The following CLASP2 variants were observed in gnomAD, a reference collection of about 807,000 sequenced individuals.
CLASP2 encodes the protein CLIP-associating protein 2.
A neutral mutation model predicts 194.4 loss-of-function variants in CLASP2; 47 were observed. That is an observed-to-expected ratio of 0.24 (90% CI 0.19 to 0.31). The LOEUF (loss-of-function observed/expected upper bound fraction) is 0.31, where lower values mean the gene tolerates loss of function less well. Ranked by LOEUF, CLASP2 falls within the 10% of genes least tolerant of loss-of-function variation. CLASP2 has a pLI of 1.00. For synonymous variants in CLASP2, 619 were observed against 633.5 expected, an observed-to-expected ratio of 0.98 and a Z score of 0.34; for missense variants, 1,445 against 1,823.6, an observed-to-expected ratio of 0.79 and a Z score of 3.78.
At chr3:33,532,891 C>T (rs904222006) in intron 34 of CLASP2, among the ~76,000 whole-genome samples, 2 of 152,080 alleles carry the variant, frequency 1.3e-5, no homozygotes, top group South Asian at 4.1e-4. Flanking sequence ...TGTTGTTATG[C>T]AGGAGAATGT....
intron 27 of CLASP2, among the ~76,000 whole-genome samples, chr3:33,562,243 T>C (rs1421464942): frequency 2.0e-5 from 3 of 152,200 alleles, no homozygotes; most frequent in Non-Finnish European, 4.4e-5. Context: ...CTACTCACAG[T>C]GTGGATTCCT....
At chr3:33,550,368 C>A (rs539360292) in intron 30 of CLASP2, among the ~76,000 whole-genome samples, 42 of 129,552 alleles carry the variant, frequency 3.2e-4, no homozygotes, top group African/African-American at 1.3e-3. Flanking sequence ...GTGCTCCAGC[C>A]TGGGTGAAAA....
intron 30 of CLASP2, among the ~76,000 whole-genome samples, chr3:33,547,056 T>C (rs9876692): frequency 6.6e-6 from 1 of 152,204 alleles, no homozygotes; most frequent in East Asian, 1.9e-4. Context: ...GTCTACTACA[T>C]TAATAGATTT....
chr3:33,610,924 CAG>C (rs1363780489), intron 13 of CLASP2, among the ~76,000 whole-genome samples: 2 of 152,174 alleles, frequency 1.3e-5, no homozygotes, highest in Admixed American at 6.5e-5. Context: ...TTTAAAAAGG[CAG>C]AGTTCTTTAC....
intron 24 of CLASP2, chr3:33,574,617 A>T: frequency 3.6e-6 from 2 of 562,630 alleles, no homozygotes; most frequent in South Asian, 5.3e-5. Context: ...TTTTTCACAC[A>T]TAGGTACAAA....
chr3:33,595,245 G>A (rs1045004491), intron 19 of CLASP2, among the ~76,000 whole-genome samples: 9 of 151,972 alleles, frequency 5.9e-5, no homozygotes, highest in Non-Finnish European at 1.3e-4. Flanking sequence ...CTTAAAATTT[G>A]AAATGGTATA....
chr3:33,601,159 A>G (rs1399440121), intron 18 of CLASP2, among the ~76,000 whole-genome samples: 5 of 151,816 alleles, frequency 3.3e-5, no homozygotes, highest in African/African-American at 1.2e-4. Flanking sequence ...ACGGTGTTTC[A>G]CCGTGTTAGC....
chr3:33,670,249 T>C (rs1009568429), intron 6 of CLASP2, among the ~76,000 whole-genome samples: 8 of 152,164 alleles, frequency 5.3e-5, no homozygotes, highest in African/African-American at 1.9e-4. Context: ...GGATTGTGGT[T>C]ACTTTTAGGA....
Position 33,604,229 on chromosome 3 carries a change from CT to C in CLASP2, c.1695-21del. 6.5e-7 allele frequency: 1 copy of C among 1,534,120 alleles called. No individual in the cohort carries two copies. Among genetic ancestry groups the C allele is most frequent in the Non-Finnish European group, 8.8e-7 (1 of 1,132,382 alleles). ...GGGCGACTGCAAAGTATAAAAAATG[CT>C]TTTAGTAAGAAGACAATTTAACACT... On this transcript the variant is annotated intron_variant, in intron 16 of 38. Coordinates refer to ENST00000682230, the MANE Select transcript of CLASP2 (RefSeq NM_001365631.1).
intron 34 of CLASP2, among the ~76,000 whole-genome samples, chr3:33,523,217 T>TATC (rs1399068033): frequency 1.3e-5 from 2 of 151,850 alleles, no homozygotes; most frequent in Non-Finnish European, 2.9e-5. Flanking sequence ...ATTGTGGGAG[T>TATC]ATCAGAAGAG....
intron 23 of CLASP2, among the ~76,000 whole-genome samples, chr3:33,579,045 AG>A: frequency 6.6e-6 from 1 of 152,340 alleles, no homozygotes; most frequent in Admixed American, 6.5e-5. Context: ...GGGAATAGCA[AG>A]AACAACTTAA....
intron 7 of CLASP2, among the ~76,000 whole-genome samples, chr3:33,661,613 G>A (rs1338194943): frequency 6.6e-6 from 1 of 152,168 alleles, no homozygotes; most frequent in Non-Finnish European, 1.5e-5. Context: ...ACAGATCTGA[G>A]AGGCAAGAAA....
intron 1 of CLASP2, among the ~76,000 whole-genome samples, chr3:33,717,475 G>A (rs891265215): frequency 2.6e-5 from 4 of 151,950 alleles, no homozygotes; most frequent in Admixed American, 1.3e-4. Flanking sequence ...CGCCCAGGCT[G>A]GAGTGCAGTG....
In CLASP2 at chr3:33,636,175, C is replaced by T. The variant is rs111683160; in HGVS notation, c.863-3804G>A. Among the ~76,000 whole-genome samples the T allele has an allele frequency of 5.8e-3, 879 of 152,206 alleles. 8 individuals carry two copies. The highest frequency in any genetic ancestry group is 0.02 in the African/African-American group (829 of 41,536). On this transcript the variant is annotated intron_variant, in intron 8 of 38. Coordinates refer to ENST00000682230, the MANE Select transcript of CLASP2 (RefSeq NM_001365631.1). The stretch of plus-strand genomic sequence containing the variant: ...TCAAATAAGATGGTAATCACAGAAT[C>T]AGAAGTAGAAAGCCCCCAACAAATC...
intron 12 of CLASP2, among the ~76,000 whole-genome samples, chr3:33,613,599 G>C (rs2075596389): frequency 6.6e-6 from 1 of 152,188 alleles, no homozygotes; most frequent in African/African-American, 2.4e-5. Context: ...AAAGAGAAAC[G>C]ATCTATAGAC....
chr3:33,534,881 T>C (rs778547784), intron 34 of CLASP2, among the ~76,000 whole-genome samples: 6 of 152,214 alleles, frequency 3.9e-5, no homozygotes, highest in Non-Finnish European at 7.3e-5. Flanking sequence ...CTATAAAGAA[T>C]GGGTATTTCT....
intron 7 of CLASP2, chr3:33,659,072 TCGGCCTGCAGCCTGCAGACACC>T (rs758548676): frequency 2.0e-6 from 3 of 1,524,268 alleles, no homozygotes; most frequent in Non-Finnish European, 2.6e-6. Context: ...GCCACTGGGC[TCGGCCTGCAGCCTGCAGACACC>T]CGGAGCACTG....
At chr3:33,660,042 C>T (rs766804584) in intron 7 of CLASP2, among the ~76,000 whole-genome samples, 1 of 152,200 alleles carries the variant, frequency 6.6e-6, no homozygotes, top group South Asian at 2.1e-4. Context: ...AAATACTTTA[C>T]TAATGATTGC....
chr3:33,502,038 A>G, intron 37 of CLASP2: 1 of 288,766 alleles, frequency 3.5e-6, no homozygotes, highest in African/African-American at 2.2e-5. Flanking sequence ...GAGGCTGCTC[A>G]CTTGCCAATT....
Sources: gnomAD v4.1 joint callset for allele counts (sites outside exome capture counted in the v4.1 genomes callset) on GRCh38, gnomAD v4.1.1 for gene constraint, MANE v1.5 for transcripts, NCBI Gene and HGNC (gene_info 2026-07-23, HGNC 2026-07-21) for gene names.